POLQ: variants seen among roughly 807,000 people sequenced by gnomAD.
POLQ encodes the protein DNA polymerase theta.
Under a neutral mutation model 259.2 loss-of-function variants are expected in POLQ, and 233 were observed. The observed-to-expected ratio is 0.90, with a 90% CI of 0.81 to 1.00. The LOEUF (loss-of-function observed/expected upper bound fraction) is 1.00. Among genes scored for constraint, POLQ ranks in the 50% least tolerant of loss-of-function variants. POLQ has a pLI of 0.00. For missense variants in POLQ, 2,871 were observed against 3,051.6 expected (o/e 0.94, Z 1.39); for synonymous variants, 1,025 against 1,048.8 (o/e 0.98, Z 0.44).
At position 121,490,112 on chromosome 3, in the gene POLQ, C is replaced by CTT; in HGVS notation, c.2817_2818dup (p.Ser940LysfsTer17). Reference sequence around the variant, plus strand: ...ATAAGAATCACTAAATATTGTGTTACTTTTGTTCTTTGATGTTAATTTTTT... The same window carrying CTT: ...ATAAGAATCACTAAATATTGTGTTACTTTTTTGTTCTTTGATGTTAATTTTTT... On this transcript the variant is annotated frameshift_variant, in exon 16 of 30. Coordinates refer to ENST00000264233, the MANE Select transcript of POLQ (RefSeq NM_199420.4). LOFTEE classifies it high-confidence loss of function. 1.2e-6 allele frequency: 2 copies of CTT among 1,603,402 alleles called. No homozygotes were observed. The highest frequency in any genetic ancestry group is 1.7e-6 in the Non-Finnish European group (2 of 1,172,926).
In POLQ at chr3:121,510,067, C is replaced by G. The variant is rs771058728; in HGVS notation, c.1788G>C (p.Gln596His). Reference protein sequence around the residue: ...VMWLLENEFIQSTEASDGTEG... With the variant: ...VMWLLENEFIHSTEASDGTEG... ...CTGTTCCATCACTGGCTTCTGTACT[C>G]TGGATGAATTCATTTTCTAGTAGCC... Residue 596 changes from glutamine to histidine, a missense_variant, in exon 11 of 30, where the codon CAG becomes CAC. Physicochemically the swap from Gln to His is conservative, Grantham distance 24. Transcript: ENST00000264233. The G allele has an allele frequency of 1.2e-6, 2 of 1,613,884 alleles. No homozygotes were observed. Among genetic ancestry groups the G allele is most frequent in the African/African-American group, 2.7e-5 (2 of 74,916 alleles).
At chr3:121,470,718 C>A (rs2047877113) in intron 22 of POLQ, among the ~76,000 whole-genome samples, 1 of 152,194 alleles carries the variant, frequency 6.6e-6, no homozygotes, top group Non-Finnish European at 1.5e-5. Context: ...TCAAGCAATC[C>A]TTCTACCTCA....
chr3:121,487,572 G>C lies in POLQ; in HGVS notation c.5359C>G (p.Pro1787Ala), dbSNP rs930576574. The C allele has an allele frequency of 3.1e-6, 5 of 1,613,996 alleles. No homozygotes were observed. Among genetic ancestry groups the C allele is most frequent in the Non-Finnish European group, 4.2e-6 (5 of 1,179,944 alleles). Reference protein sequence around the residue: ...PSDIKNHDLSPGSRNGFKDNS... With the variant: ...PSDIKNHDLSAGSRNGFKDNS... Reference sequence around the variant, plus strand: ...TCTTTGAACCCATTTCTACTCCCTGGACTTAAATCGTGGTTTTTAATATCT... The same window carrying C: ...TCTTTGAACCCATTTCTACTCCCTGCACTTAAATCGTGGTTTTTAATATCT... The change falls in exon 16 of 30, where the codon CCA becomes GCA. Residue 1787 changes from proline (P) to alanine (A), a missense_variant. By Grantham distance (27) the Pro-to-Ala change is conservative. Coordinates refer to ENST00000264233, the MANE Select transcript of POLQ (RefSeq NM_199420.4).
At chr3:121,545,693 G>T in intron 1 of POLQ, 22 bp downstream of exon 1, 1 of 1,533,678 alleles carries the variant, frequency 6.5e-7, no homozygotes, top group Middle Eastern at 1.9e-4. Context: ...GTTGCCCGCG[G>T]CCTCCCGGGT....
At chr3:121,456,201 C>G (rs929063424) in intron 25 of POLQ, among the ~76,000 whole-genome samples, 1 of 152,150 alleles carries the variant, frequency 6.6e-6, no homozygotes, top group Non-Finnish European at 1.5e-5. Flanking sequence ...GCTAAAAACT[C>G]TCAATAAATC....
At chr3:121,537,530 C>T (rs902567149) in intron 4 of POLQ, among the ~76,000 whole-genome samples, 6 of 152,164 alleles carry the variant, frequency 3.9e-5, no homozygotes, top group Admixed American at 1.3e-4. Flanking sequence ...TTCCCACTTA[C>T]GAGTGAGAAC....
intron 17 of POLQ, 39 bp from the exon 18 acceptor site, chr3:121,483,621 G>T: frequency 6.9e-7 from 1 of 1,445,320 alleles, no homozygotes; most frequent in South Asian, 1.5e-5. Context: ...ACATTTTTAA[G>T]GCAAAAATTA....
rs757777971 is a variant in POLQ, at chr3:121,498,471, G to A, written c.2153+6C>T. On this transcript the variant is annotated splice_donor_region_variant and intron_variant, in intron 13 of 29. Coordinates refer to ENST00000264233, the MANE Select transcript of POLQ (RefSeq NM_199420.4). Reference sequence around the variant, plus strand: ...TACCGGAGAGCCCAGAGACCTTGACGTTTACCTTTTATGGATGGCCATTTG... The same window carrying A: ...TACCGGAGAGCCCAGAGACCTTGACATTTACCTTTTATGGATGGCCATTTG... 36 of 1,609,932 alleles carry A rather than the reference G, an allele frequency of 2.2e-5. No homozygotes were observed. Among genetic ancestry groups the A allele is most frequent in the Admixed American group, 6.7e-5 (4 of 59,848 alleles).
chr3:121,545,894 C>A lies in POLQ; in HGVS notation c.-17G>T, dbSNP rs557407305. 32 of 1,612,650 alleles carry A rather than the reference C, an allele frequency of 2.0e-5. No homozygotes were observed. In the South Asian group the frequency reaches 3.3e-4, roughly 17 times the overall value. On this transcript the variant is annotated 5_prime_UTR_variant, in exon 1 of 30. Transcript: ENST00000264233. ...AAGATTCATGGCAAACTCTTCTCGGCCGATCAGGGCAAGCCACAGTCCCAG... is the reference window on the plus strand; with the variant it reads ...AAGATTCATGGCAAACTCTTCTCGGACGATCAGGGCAAGCCACAGTCCCAG...
At chr3:121,469,454 C>T (rs949475253) in intron 22 of POLQ, among the ~76,000 whole-genome samples, 17 of 152,124 alleles carry the variant, frequency 1.1e-4, no homozygotes, top group African/African-American at 3.6e-4. Context: ...TTTTAAGTGA[C>T]TTGGACGTTG....
intron 25 of POLQ, among the ~76,000 whole-genome samples, chr3:121,450,909 G>C (rs1039956707): frequency 2.6e-5 from 4 of 152,108 alleles, no homozygotes; most frequent in Non-Finnish European, 5.9e-5. Flanking sequence ...CATTCTCCCG[G>C]TCACTTTCAG....
In POLQ at chr3:121,494,849, G is replaced by A. The variant is rs1477658580; in HGVS notation, c.2279-1128C>T. The A allele has an allele frequency of 3.8e-6, 6 of 1,585,992 alleles. No homozygotes were observed. In the Admixed American group the frequency reaches 1.0e-4, roughly 26 times the overall value. ...CAACGTCCTGGGTCCTAAGTCTGTGGCTCGTATCACCAAGCTCGAAAAGGC... is the reference window on the plus strand; with the variant it reads ...CAACGTCCTGGGTCCTAAGTCTGTGACTCGTATCACCAAGCTCGAAAAGGC... On this transcript the variant is annotated intron_variant, in intron 14 of 29. Transcript: ENST00000264233.
At chr3:121,523,343 C>T (rs914183818) in intron 7 of POLQ, among the ~76,000 whole-genome samples, 12 of 152,152 alleles carry the variant, frequency 7.9e-5, no homozygotes, top group African/African-American at 1.2e-4. Flanking sequence ...GCAGTAAAAG[C>T]TTTACATACT....
At chr3:121,502,948 AT>A (rs1341936748) in intron 12 of POLQ, among the ~76,000 whole-genome samples, 2 of 152,114 alleles carry the variant, frequency 1.3e-5, no homozygotes, top group African/African-American at 4.8e-5. Flanking sequence ...AAAAAAAAAA[AT>A]GGCAAAAAAT....
At chr3:121,470,215 C>T (rs559921713) in intron 22 of POLQ, among the ~76,000 whole-genome samples, 8 of 152,124 alleles carry the variant, frequency 5.3e-5, no homozygotes, top group South Asian at 2.1e-4. Context: ...GCCGAGATCA[C>T]GCCACTGCAC....
chr3:121,442,692 G>A (rs2047603931), intron 26 of POLQ, among the ~76,000 whole-genome samples: 1 of 152,118 alleles, frequency 6.6e-6, no homozygotes, highest in South Asian at 2.1e-4. Context: ...TTCATCTGCT[G>A]ATGGACACTG....
At chr3:121,501,531 C>T (rs1243811928) in intron 12 of POLQ, among the ~76,000 whole-genome samples, 3 of 149,398 alleles carry the variant, frequency 2.0e-5, no homozygotes, top group South Asian at 2.1e-4. Context: ...TAGTGGCGGG[C>T]GCCTGTAGTC....
intron 25 of POLQ, among the ~76,000 whole-genome samples, chr3:121,459,369 A>ATGTTTTTT (rs778778631): frequency 9.5e-6 from 1 of 104,760 alleles, no homozygotes; most frequent in African/African-American, 3.5e-5. Flanking sequence ...GACTAGAAAG[A>ATGTTTTTT]TTTTTTTTTT....
chr3:121,541,492 T>C lies in POLQ; in HGVS notation c.344-13A>G, dbSNP rs777122421. On this transcript the variant is annotated splice_polypyrimidine_tract_variant and intron_variant, in intron 2 of 29. Coordinates refer to ENST00000264233, the MANE Select transcript of POLQ (RefSeq NM_199420.4). ...GCACTTGTAGGAGCTAAAACATGAT[T>C]ATTCCACAAGATTATAAGAAAAAAG... 1.6e-5 allele frequency: 26 copies of C among 1,581,570 alleles called. No homozygotes were observed. The East Asian group carries it at 5.8e-4, about 35-fold the overall frequency.
Sources: gnomAD v4.1 joint callset for allele counts (sites outside exome capture counted in the v4.1 genomes callset) on GRCh38, gnomAD v4.1.1 for gene constraint, MANE v1.5 for transcripts, NCBI Gene and HGNC (gene_info 2026-07-23, HGNC 2026-07-21) for gene names.